ECRG4: variants seen among roughly 807,000 people sequenced by gnomAD.
ECRG4 encodes the protein ECRG4 augurin precursor, also known as augurin.
Under a neutral mutation model 15.8 loss-of-function variants are expected in ECRG4, and 18 were observed. The ratio of observed to expected loss-of-function variants is 1.14; its 90% CI spans 0.79 to 1.69. The LOEUF is 1.69. ECRG4 is among the 40% of genes most tolerant of loss of function. The pLI, the probability that ECRG4 is intolerant of heterozygous loss-of-function variation, is 0.00. For missense variants in ECRG4, 200 were observed against 190.9 expected (o/e 1.05, Z -0.28); for synonymous variants, 82 against 73.9 (o/e 1.11, Z -0.56).
In ECRG4 at chr2:106,073,981, C is replaced by T. The variant is rs1207038965; in HGVS notation, c.223C>T (p.Arg75Trp). The change falls in exon 3 of 4, where the codon CGG becomes TGG. Residue 75 changes from arginine to tryptophan, a missense_variant. Physicochemically the swap from Arg to Trp is moderately radical, Grantham distance 101. Transcript: ENST00000238044. ...LKRQKRQLWD[R>W]TRPEVQQWYQ... ...GCGCCAGAAGCGGCAGCTGTGGGAC[C>T]GGACTCGGCCCGAGGTGCAGCAGTG... is the stretch of plus-strand genomic sequence containing the variant. 3.7e-6 allele frequency: 6 copies of T among 1,614,100 alleles called. No individual in the cohort carries two copies. The highest frequency in any genetic ancestry group is 2.2e-5 in the East Asian group (1 of 44,890).
chr2:106,070,534 G>A (rs1558656373), intron 1 of ECRG4, among the ~76,000 whole-genome samples: 1 of 152,188 alleles, frequency 6.6e-6, no homozygotes, highest in African/African-American at 2.4e-5. Context: ...CCTCAGGTGA[G>A]GCAGCCAGCT....
chr2:106,065,853 G>C lies in ECRG4; in HGVS notation c.79+10G>C. On this transcript the variant is annotated intron_variant, in intron 1 of 3. Transcript: ENST00000238044. ...CTGTGCTGGGGCCCAGGTGAGCGGGGCGATGCCAGGCTGATTGATAGCGGC... is the reference window on the plus strand; with the variant it reads ...CTGTGCTGGGGCCCAGGTGAGCGGGCCGATGCCAGGCTGATTGATAGCGGC... The C allele has an allele frequency of 6.8e-7, 1 of 1,472,380 alleles. No homozygotes were observed. The highest frequency in any genetic ancestry group is 1.5e-5 in the African/African-American group (1 of 68,048). 91.2% of individuals were successfully genotyped at this position (1,472,380 alleles called of 1,614,324 possible).
At chr2:106,070,794 C>T (rs374829782) in intron 1 of ECRG4, 20 of 391,764 alleles carry the variant, frequency 5.1e-5, no homozygotes, top group African/African-American at 4.2e-4. Flanking sequence ...TTCTAGACCC[C>T]CTGGAGCCTG....
intron 2 of ECRG4, 122 bp downstream of exon 2, chr2:106,072,013 G>A: frequency 2.2e-5 from 17 of 776,258 alleles, no homozygotes; most frequent in Non-Finnish European, 3.2e-5. Context: ...TCCTTAAAAG[G>A]TTAGCAGATA....
chr2:106,071,065 A>G, intron 1 of ECRG4: 1 of 470,262 alleles, frequency 2.1e-6, no homozygotes, highest in Non-Finnish European at 4.4e-6. Context: ...GAATACAAAT[A>G]ACAGCAAGTG....
At chr2:106,068,348 T>C (rs185386190) in intron 1 of ECRG4, among the ~76,000 whole-genome samples, 1 of 152,304 alleles carries the variant, frequency 6.6e-6, no homozygotes, top group Non-Finnish European at 1.5e-5. Context: ...AAGTCCTTAA[T>C]ACAGAAAAAA....
In ECRG4 at chr2:106,078,079, A is replaced by G; in HGVS notation, c.*153A>G. 1 of 545,272 alleles carries G rather than the reference A, an allele frequency of 1.8e-6. No homozygotes were observed. The highest frequency in any genetic ancestry group is 2.9e-6 in the Non-Finnish European group (1 of 340,632). 33.8% of individuals were successfully genotyped at this position (545,272 alleles called of 1,614,324 possible). A position where few individuals can be genotyped will look rare whatever the true frequency, so the allele number is the denominator to read the frequency against. On this transcript the variant is annotated 3_prime_UTR_variant, in exon 4 of 4. Coordinates refer to ENST00000238044, the MANE Select transcript of ECRG4 (RefSeq NM_032411.3). Reference sequence around the variant, plus strand: ...CAAAAAAGAAGAGTTAAAACAACACATGTAAATGCCTTTTGATATTTCATG... The same window carrying G: ...CAAAAAAGAAGAGTTAAAACAACACGTGTAAATGCCTTTTGATATTTCATG...
chr2:106,070,878 G>C, intron 1 of ECRG4: 1 of 470,850 alleles, frequency 2.1e-6, no homozygotes, highest in Non-Finnish European at 4.4e-6. Context: ...CCTGACTCCA[G>C]TTCCTTACAC....
At position 106,068,001 on chromosome 2, in the gene ECRG4, AT is replaced by A. The variant is rs66604408; in HGVS notation, c.79+2170del. Among the ~76,000 whole-genome samples, 672 of 146,710 alleles carry A rather than the reference AT, an allele frequency of 4.6e-3. 8 individuals are homozygous for A. Among genetic ancestry groups the A allele is most frequent in the African/African-American group, 0.015 (610 of 39,990 alleles). ...AGGTGTGTTGACTCCACGCCTGGCA[AT>A]TTTTTTTTTTTCTTTTAATTTTTAG... On this transcript the variant is annotated intron_variant, in intron 1 of 3. Coordinates refer to ENST00000238044, the MANE Select transcript of ECRG4 (RefSeq NM_032411.3).
chr2:106,070,221 G>T (rs1676332789), intron 1 of ECRG4, among the ~76,000 whole-genome samples: 1 of 152,210 alleles, frequency 6.6e-6, no homozygotes, highest in African/African-American at 2.4e-5. Flanking sequence ...GTATATACCA[G>T]GGCTGTTCCT....
chr2:106,071,741 A>G, intron 1 of ECRG4, 103 bp from the exon 2 acceptor site: 3 of 882,644 alleles, frequency 3.4e-6, no homozygotes, highest in Non-Finnish European at 5.4e-6. Flanking sequence ...TGCCAAATCA[A>G]GGCAGGGGCC....
chr2:106,074,101 G>A (rs41280611), intron 3 of ECRG4, 58 bp downstream of exon 3: 81,202 of 1,588,820 alleles, frequency 0.051, 2,323 homozygotes, highest in Non-Finnish European at 0.059. Flanking sequence ...GCAGGGAGGA[G>A]GCCTGGCTCG....
chr2:106,072,981 T>C (rs1399465837), intron 2 of ECRG4, among the ~76,000 whole-genome samples: 1 of 152,204 alleles, frequency 6.6e-6, no homozygotes, highest in East Asian at 1.9e-4. Context: ...TACAAAACAG[T>C]GTTACAATCC....
At chr2:106,064,747 A>G (rs1676167401), upstream of ECRG4, among the ~76,000 whole-genome samples, 1 of 152,194 alleles carries the variant, frequency 6.6e-6, no homozygotes, top group Non-Finnish European at 1.5e-5. Context: ...GGCAGATCTG[A>G]GATGGGAAGA....
Position 106,073,914 on chromosome 2 carries a change from C to G in ECRG4, c.156C>G (p.Ala52=). ...EAPVPTKTKV[A]VDENKAKEFL... is the part of the protein sequence containing the mutation. ...CTGTTCCAACTAAGACTAAAGTGGC[C>G]GTTGATGAGAATAAAGCCAAAGAAT... The change falls in exon 3 of 4, where the codon GCC becomes GCG. Residue 52 remains alanine (A), a synonymous_variant. Transcript: ENST00000238044. 2.5e-6 allele frequency: 4 copies of G among 1,614,164 alleles called. No homozygotes were observed. The highest frequency in any genetic ancestry group is 3.4e-6 in the Non-Finnish European group (4 of 1,180,034).
intron 2 of ECRG4, 185 bp from the exon 3 acceptor site, chr2:106,073,701 A>G: frequency 1.4e-6 from 1 of 715,754 alleles, no homozygotes; most frequent in Non-Finnish European, 2.4e-6. Context: ...ACACTTACTA[A>G]CAGGAAGCAT....
chr2:106,077,595 C>T (rs1676512521), intron 3 of ECRG4, among the ~76,000 whole-genome samples, 170 bp from the exon 4 acceptor site: 1 of 152,208 alleles, frequency 6.6e-6, no homozygotes, highest in African/African-American at 2.4e-5. Flanking sequence ...AGAGTGAATA[C>T]TGCTGACTGT....
chr2:106,064,821 AC>A (rs1676168741), upstream of ECRG4, among the ~76,000 whole-genome samples: 1 of 152,116 alleles, frequency 6.6e-6, no homozygotes, highest in Non-Finnish European at 1.5e-5. Context: ...TAATTAGGTG[AC>A]CCGCTCAGAG....
At position 106,073,966 on chromosome 2, in the gene ECRG4, C is replaced by A. The variant is rs1352709597; in HGVS notation, c.208C>A (p.Arg70=). 3 of 1,614,090 alleles carry A rather than the reference C, an allele frequency of 1.9e-6. No individual in the cohort carries two copies. The highest frequency in any genetic ancestry group is 2.5e-6 in the Non-Finnish European group (3 of 1,180,054). The change falls in exon 3 of 4, where the codon CGG becomes AGG. Residue 70 remains arginine, a synonymous_variant. Coordinates refer to ENST00000238044, the MANE Select transcript of ECRG4 (RefSeq NM_032411.3). ...EFLGSLKRQK[R]QLWDRTRPEV... ...CCTTGGCAGCCTGAAGCGCCAGAAG[C>A]GGCAGCTGTGGGACCGGACTCGGCC...
Sources: allele counts gnomAD v4.1 joint callset (sites outside exome capture counted in the v4.1 genomes callset), GRCh38; gene constraint gnomAD v4.1.1; transcripts MANE v1.5; gene names NCBI Gene and HGNC (gene_info 2026-07-23, HGNC 2026-07-21).